RPTOR: variants seen among roughly 807,000 people sequenced by gnomAD.
The protein encoded by RPTOR is regulatory associated protein of MTOR complex 1.
A neutral mutation model predicts 169.9 loss-of-function variants in RPTOR; 21 were observed. That is an observed-to-expected ratio of 0.12 (90% CI 0.09 to 0.18). The LOEUF (loss-of-function observed/expected upper bound fraction) is 0.18. Ranked by LOEUF, RPTOR falls within the 10% of genes least tolerant of loss-of-function variation. The pLI is 1.00. For missense variants in RPTOR, 1,133 were observed against 1,855.9 expected, an observed-to-expected ratio of 0.61 and a Z score of 7.16; for synonymous variants, 732 against 753.2, an observed-to-expected ratio of 0.97 and a Z score of 0.46.
chr17:80,544,923 C>G lies in RPTOR; in HGVS notation c.-707C>G, dbSNP rs772375627. ...AACCAGAGGGCAAAGCTCCCATGAC[C>G]CAATAAGCCCACATTGTCCCTTTCC... is the stretch of plus-strand genomic sequence containing the variant. On this transcript the variant is annotated 5_prime_UTR_variant, in exon 1 of 34. Transcript: ENST00000306801. 8.7e-6 allele frequency: 2 copies of G among 229,266 alleles called. No homozygotes were observed. The highest frequency in any genetic ancestry group is 1.7e-5 in the Non-Finnish European group (2 of 115,346). 14.2% of individuals were successfully genotyped at this position (229,266 alleles called of 1,614,324 possible).
rs180857241 is a variant in RPTOR, at chr17:80,959,380, G to C, written c.3478-698G>C. 3.1e-3 allele frequency among the ~76,000 whole-genome samples: 477 copies of C among 152,274 alleles called. 5 individuals carry two copies. The highest frequency in any genetic ancestry group is 0.011 in the African/African-American group (455 of 41,556). On this transcript the variant is annotated intron_variant, in intron 29 of 33. Transcript: ENST00000306801. This position sits in a 1 kb window ranked among gnomAD's most constrained non-coding sequence, Gnocchi z 6.7. ...GGTGCTGTTCCTGCAGAGGTGGGTG[G>C]AGGCACAGAGCGCAGCAGGTGCTCC...
chr17:80,868,177 C>T (rs1245169233), intron 13 of RPTOR, among the ~76,000 whole-genome samples: 3 of 152,214 alleles, frequency 2.0e-5, no homozygotes, highest in South Asian at 2.1e-4. Flanking sequence ...ATTGACAAAT[C>T]GTTTTTCTGT....
intron 7 of RPTOR, among the ~76,000 whole-genome samples, chr17:80,792,110 G>C (rs2067054848): frequency 6.6e-6 from 1 of 152,104 alleles, no homozygotes; most frequent in Non-Finnish European, 1.5e-5. Context: ...AGGACCCGGA[G>C]CGTGGCCTGC....
intron 3 of RPTOR, among the ~76,000 whole-genome samples, chr17:80,690,813 A>G (rs7225028): frequency 0.27 from 40,275 of 151,660 alleles, 7,349 homozygotes; most frequent in African/African-American, 0.53. Flanking sequence ...CTTTTTTTGC[A>G]ACAGGGGATC....
chr17:80,576,087 C>T (rs573607743), intron 1 of RPTOR, among the ~76,000 whole-genome samples: 1 of 152,284 alleles, frequency 6.6e-6, no homozygotes, highest in South Asian at 2.1e-4. Flanking sequence ...GTCAACACTT[C>T]TGTAGCCTTG....
chr17:80,719,842 C>G (rs911722978), intron 4 of RPTOR, among the ~76,000 whole-genome samples: 2 of 152,194 alleles, frequency 1.3e-5, no homozygotes, highest in Non-Finnish European at 2.9e-5. Flanking sequence ...GTTTTTGGTA[C>G]TTCCTCTGCC....
chr17:80,748,174 G>A lies in RPTOR; in HGVS notation c.655-5836G>A, dbSNP rs559898209. ...CCGTGGCGTGAGGACCTGTTGGGTGGATGGAGGGGCTGCGGTGTGTGTTTG... is the reference window on the plus strand; with the variant it reads ...CCGTGGCGTGAGGACCTGTTGGGTGAATGGAGGGGCTGCGGTGTGTGTTTG... On this transcript the variant is annotated intron_variant, in intron 5 of 33. Coordinates refer to ENST00000306801, the MANE Select transcript of RPTOR (RefSeq NM_020761.3). 8.9e-4 allele frequency among the ~76,000 whole-genome samples: 114 copies of A among 128,702 alleles called. 3 individuals are homozygous for A. Among genetic ancestry groups the A allele is most frequent in the African/African-American group, 3.9e-3 (103 of 26,720 alleles). The allele number at this position is 128,702 out of a possible 152,430, so 84.4% of individuals were successfully genotyped here.
intron 1 of RPTOR, among the ~76,000 whole-genome samples, chr17:80,606,811 A>T (rs2065232722): frequency 6.6e-6 from 1 of 151,904 alleles, no homozygotes; most frequent in African/African-American, 2.4e-5. Context: ...CCATCCATTA[A>T]AGTTCTTTTT....
At chr17:80,604,908 A>C (rs1409672862) in intron 1 of RPTOR, among the ~76,000 whole-genome samples, 2 of 149,726 alleles carry the variant, frequency 1.3e-5, no homozygotes, top group Non-Finnish European at 3.0e-5. Context: ...ACACAGAGCC[A>C]AGTCATATCT....
intron 24 of RPTOR, among the ~76,000 whole-genome samples, chr17:80,925,745 C>T (rs2068804490): frequency 2.0e-5 from 3 of 152,222 alleles, no homozygotes; most frequent in Admixed American, 1.3e-4. Context: ...CACCACAGGC[C>T]TTCCCACTCC....
At chr17:80,650,503 TG>T (rs1484397593) in intron 3 of RPTOR, among the ~76,000 whole-genome samples, 15 of 152,048 alleles carry the variant, frequency 9.9e-5, no homozygotes, top group Non-Finnish European at 4.4e-5. Flanking sequence ...ACCAGTGCAC[TG>T]AGGGGTGGGG....
At chr17:80,675,707 C>G (rs2065856835) in intron 3 of RPTOR, among the ~76,000 whole-genome samples, 1 of 152,198 alleles carries the variant, frequency 6.6e-6, no homozygotes, top group Non-Finnish European at 1.5e-5. Flanking sequence ...AACCCGGCTG[C>G]TCTGCTCACC....
chr17:80,701,869 T>C (rs2143066417), intron 3 of RPTOR, among the ~76,000 whole-genome samples: 1 of 152,228 alleles, frequency 6.6e-6, no homozygotes, highest in East Asian at 1.9e-4. Context: ...ACCCACCAAG[T>C]AGAGCCCCTG....
chr17:80,674,491 A>G (rs894965911), intron 3 of RPTOR, among the ~76,000 whole-genome samples: 1 of 152,200 alleles, frequency 6.6e-6, no homozygotes, highest in Admixed American at 6.5e-5. Flanking sequence ...GGTGGGGTGG[A>G]TACTGGGGAA....
intron 20 of RPTOR, among the ~76,000 whole-genome samples, chr17:80,899,037 TG>T (rs2068442957): frequency 6.6e-6 from 1 of 152,088 alleles, no homozygotes; most frequent in Non-Finnish European, 1.5e-5. Context: ...CTCCAGGGTA[TG>T]GAGAACTGAA....
intron 2 of RPTOR, among the ~76,000 whole-genome samples, chr17:80,634,523 ACT>A (rs2065479342): frequency 8.6e-6 from 1 of 116,914 alleles, no homozygotes; most frequent in Non-Finnish European, 1.7e-5. Context: ...GTGTGTGCGT[ACT>A]GTGTGCATGT....
At chr17:80,614,513 T>A (rs1035290558) in intron 1 of RPTOR, among the ~76,000 whole-genome samples, 9 of 152,264 alleles carry the variant, frequency 5.9e-5, no homozygotes, top group African/African-American at 1.9e-4. Context: ...AGGTGAGGTT[T>A]TCCTGTTCAG....
chr17:80,871,977 C>A (rs2068056819), intron 13 of RPTOR, among the ~76,000 whole-genome samples: 1 of 152,020 alleles, frequency 6.6e-6, no homozygotes, highest in Non-Finnish European at 1.5e-5. Flanking sequence ...TTGGGTGAGT[C>A]CCAGGAACGG....
chr17:80,958,483 T>C (rs1214027075), intron 29 of RPTOR, among the ~76,000 whole-genome samples: 1 of 140,760 alleles, frequency 7.1e-6, no homozygotes, highest in African/African-American at 2.7e-5. Flanking sequence ...CGATCTCGGC[T>C]CACTGCAAGC....
Sources: allele counts gnomAD v4.1 joint callset (sites outside exome capture counted in the v4.1 genomes callset), GRCh38; gene constraint gnomAD v4.1.1; non-coding constraint Gnocchi (gnomAD v3.1); transcripts MANE v1.5; gene names NCBI Gene and HGNC (gene_info 2026-07-23, HGNC 2026-07-21).